The following SNTG2 variants were observed in gnomAD, a reference collection of about 807,000 sequenced individuals.
SNTG2 encodes the protein gamma-2-syntrophin.
In SNTG2, 74 loss-of-function variants were observed where a neutral mutation model predicts 70.9. The ratio of observed to expected loss-of-function variants is 1.04; its 90% CI spans 0.86 to 1.27. The LOEUF is 1.27. SNTG2 is among the 50% of genes most tolerant of loss of function. SNTG2 has a pLI of 0.00. For missense variants in SNTG2, 717 were observed against 690.7 expected, an observed-to-expected ratio of 1.04 and a Z score of -0.43; for synonymous variants, 278 against 273.8, an observed-to-expected ratio of 1.02 and a Z score of -0.15.
intron 8 of SNTG2, among the ~76,000 whole-genome samples, chr2:1,183,463 C>T (rs1337261827): frequency 2.0e-5 from 3 of 152,148 alleles, no homozygotes; most frequent in African/African-American, 7.2e-5. Context: ...CAACTGACCA[C>T]CAGCAGGGTG....
At chr2:1,365,626 G>T (rs941474387) in intron 16 of SNTG2, among the ~76,000 whole-genome samples, 15 of 152,082 alleles carry the variant, frequency 9.9e-5, no homozygotes, top group Non-Finnish European at 2.1e-4. Context: ...CAAGCTTCAG[G>T]TATTCACTTC....
intron 1 of SNTG2, among the ~76,000 whole-genome samples, chr2:959,995 G>T (rs1025795186): frequency 9.9e-5 from 15 of 152,046 alleles, no homozygotes; most frequent in African/African-American, 3.6e-4. Flanking sequence ...CCTCAAGATA[G>T]AATTTTCTAT....
intron 8 of SNTG2, among the ~76,000 whole-genome samples, chr2:1,205,576 A>T (rs1673580810): frequency 6.6e-6 from 1 of 152,184 alleles, no homozygotes. Context: ...AACAATCTGA[A>T]TACAATGCTT....
intron 6 of SNTG2, among the ~76,000 whole-genome samples, chr2:1,142,244 A>G (rs1488731343): frequency 6.6e-6 from 1 of 152,256 alleles, no homozygotes; most frequent in African/African-American, 2.4e-5. Context: ...TAAGAGCTCC[A>G]TGATCAATTA....
At chr2:1,259,240 C>A in intron 12 of SNTG2, 130 bp from the exon 13 acceptor site, 2 of 732,422 alleles carry the variant, frequency 2.7e-6, no homozygotes, top group Non-Finnish European at 2.3e-6. Context: ...TTAATGTTAC[C>A]AATTTATACT....
chr2:1,030,581 C>T (rs1660760018), intron 1 of SNTG2, among the ~76,000 whole-genome samples: 1 of 152,142 alleles, frequency 6.6e-6, no homozygotes, highest in South Asian at 2.1e-4. Flanking sequence ...TCAGTCATGG[C>T]CTTTTCTCAG....
At chr2:1,190,511 A>G (rs1318847819) in intron 8 of SNTG2, among the ~76,000 whole-genome samples, 1 of 72,628 alleles carries the variant, frequency 1.4e-5, no homozygotes. Flanking sequence ...ATATATATAT[A>G]TATATATATA....
intron 1 of SNTG2, among the ~76,000 whole-genome samples, chr2:1,055,114 A>G (rs1037390015): frequency 2.0e-5 from 3 of 152,154 alleles, no homozygotes; most frequent in African/African-American, 7.2e-5. Context: ...TGTTGCTATA[A>G]ATGCTGTTAA....
At chr2:1,063,290 A>G (rs1035017933) in intron 1 of SNTG2, among the ~76,000 whole-genome samples, 2 of 152,228 alleles carry the variant, frequency 1.3e-5, no homozygotes, top group Non-Finnish European at 2.9e-5. Flanking sequence ...TGGACCTTAC[A>G]CAAAACTGTG....
intron 1 of SNTG2, among the ~76,000 whole-genome samples, chr2:1,055,450 A>G (rs1248832506): frequency 6.6e-6 from 1 of 152,192 alleles, no homozygotes; most frequent in African/African-American, 2.4e-5. Context: ...TGACCCACAC[A>G]GAAAGAATGC....
intron 4 of SNTG2, among the ~76,000 whole-genome samples, chr2:1,136,504 C>T (rs1314350866): frequency 6.6e-6 from 1 of 152,120 alleles, no homozygotes; most frequent in Admixed American, 6.6e-5. Context: ...TGTACAGAAT[C>T]GGTACCATTA....
rs549965798 is a variant in SNTG2 at position 1,346,766 on chromosome 2, G to T, written c.1489-20577G>T. Among the ~76,000 whole-genome samples, 14 of 152,244 alleles carry T rather than the reference G, an allele frequency of 9.2e-5. No individual in the cohort carries two copies. The South Asian group carries it at 2.7e-3, about 29-fold the overall frequency. ...AGAATCTCATGTGAACCGTAAGTCA[G>T]TGCATGGAGGGTGTGCACTGCTTCA... On this transcript the variant is annotated intron_variant, in intron 16 of 16. Coordinates refer to ENST00000308624, the MANE Select transcript of SNTG2 (RefSeq NM_018968.4).
At chr2:983,858 G>A (rs1360305460) in intron 1 of SNTG2, among the ~76,000 whole-genome samples, 1 of 152,202 alleles carries the variant, frequency 6.6e-6, no homozygotes, top group African/African-American at 2.4e-5. Context: ...AGGGATGAGG[G>A]TGTTCAGAGG....
chr2:1,095,833 C>T (rs1665355593), intron 2 of SNTG2, among the ~76,000 whole-genome samples: 1 of 152,166 alleles, frequency 6.6e-6, no homozygotes, highest in Non-Finnish European at 1.5e-5. Context: ...AGAGAGGCCT[C>T]CAGTTACTAT....
chr2:1,164,359 CTG>C lies in SNTG2; in HGVS notation c.412-1186_412-1185del, dbSNP rs369464813. Among the ~76,000 whole-genome samples the C allele has an allele frequency of 2.8e-3, 309 of 109,558 alleles. 5 individuals are homozygous for C. The highest frequency in any genetic ancestry group is 0.011 in the African/African-American group (285 of 25,854). The allele number at this position is 109,558 out of a possible 152,430, so 71.9% of individuals were successfully genotyped here. ...GAAGTGAGGTAGGAACCTGCCCAAACTGTGGGCAGTCTCTGTGTAGAGGAGAG... is the reference window on the plus strand; with the variant it reads ...GAAGTGAGGTAGGAACCTGCCCAAACTGGGCAGTCTCTGTGTAGAGGAGAG... On this transcript the variant is annotated intron_variant, in intron 6 of 16. Coordinates refer to ENST00000308624, the MANE Select transcript of SNTG2 (RefSeq NM_018968.4).
At chr2:1,287,833 A>G (rs766408177) in intron 14 of SNTG2, among the ~76,000 whole-genome samples, 2 of 152,156 alleles carry the variant, frequency 1.3e-5, no homozygotes, top group Non-Finnish European at 2.9e-5. Context: ...GTCCTTTTCC[A>G]TCCATGGTTT....
chr2:1,144,300 G>C (rs1216571028), intron 6 of SNTG2, among the ~76,000 whole-genome samples: 1 of 152,084 alleles, frequency 6.6e-6, no homozygotes, highest in Non-Finnish European at 1.5e-5. Context: ...GAAATGGATA[G>C]ACCCACCAGA....
chr2:1,180,574 T>G (rs1406266843), intron 8 of SNTG2, among the ~76,000 whole-genome samples: 13 of 145,280 alleles, frequency 8.9e-5, no homozygotes, highest in South Asian at 6.8e-4. Context: ...AACAACAGGT[T>G]CTGGAGAGGA....
chr2:1,255,483 C>T (rs1269156085), intron 12 of SNTG2, among the ~76,000 whole-genome samples: 3 of 152,012 alleles, frequency 2.0e-5, no homozygotes, highest in African/African-American at 7.2e-5. Context: ...CCAGAGATGC[C>T]GAGGCTGTTG....
Sources: gnomAD v4.1 joint callset for allele counts (sites outside exome capture counted in the v4.1 genomes callset) on GRCh38, gnomAD v4.1.1 for gene constraint, MANE v1.5 for transcripts, NCBI Gene and HGNC (gene_info 2026-07-23, HGNC 2026-07-21) for gene names.